SLC44A1: variants seen among roughly 807,000 people sequenced by gnomAD.
The protein encoded by SLC44A1 is choline transporter-like protein 1.
SLC44A1 carries 26 observed loss-of-function variants against 79.3 expected under a neutral mutation model. That is an observed-to-expected ratio of 0.33 (90% CI 0.24 to 0.46). The LOEUF (loss-of-function observed/expected upper bound fraction) is 0.46, where lower values mean the gene tolerates loss of function less well. Ranked by LOEUF, SLC44A1 falls within the 20% of genes least tolerant of loss-of-function variation. The pLI is 1.00. For synonymous variants in SLC44A1, 263 were observed against 286.2 expected, an observed-to-expected ratio of 0.92 and a Z score of 0.82; for missense variants, 688 against 798.1, an observed-to-expected ratio of 0.86 and a Z score of 1.66.
At chr9:105,278,590 A>G (rs561944577) in intron 1 of SLC44A1, among the ~76,000 whole-genome samples, 3 of 152,038 alleles carry the variant, frequency 2.0e-5, no homozygotes, top group Non-Finnish European at 4.4e-5. Flanking sequence ...TATGTTGGCC[A>G]GGCTGGTCTC....
intron 4 of SLC44A1, among the ~76,000 whole-genome samples, chr9:105,342,495 G>A (rs538807170): frequency 5.3e-5 from 8 of 152,258 alleles, no homozygotes; most frequent in Non-Finnish European, 1.0e-4. Flanking sequence ...ATTGTAGTGG[G>A]AGAGGAGAAT....
intron 4 of SLC44A1, among the ~76,000 whole-genome samples, chr9:105,344,756 G>C (rs1361738320): frequency 6.6e-6 from 1 of 152,100 alleles, no homozygotes; most frequent in East Asian, 1.9e-4. Context: ...TTCTCAAAGA[G>C]TTTGCATTAT....
intron 14 of SLC44A1, among the ~76,000 whole-genome samples, chr9:105,384,505 G>A (rs1050020366): frequency 2.0e-5 from 3 of 151,804 alleles, no homozygotes; most frequent in East Asian, 1.9e-4. Context: ...CTTTTCAATA[G>A]CAAGAATTCC....
At chr9:105,337,466 T>C (rs1588798206) in intron 4 of SLC44A1, among the ~76,000 whole-genome samples, 1 of 152,208 alleles carries the variant, frequency 6.6e-6, no homozygotes, top group Non-Finnish European at 1.5e-5. Flanking sequence ...GCTGCTATTA[T>C]CATAATTATT....
chr9:105,282,618 G>A (rs960892022), intron 1 of SLC44A1, among the ~76,000 whole-genome samples: 2 of 151,574 alleles, frequency 1.3e-5, no homozygotes, highest in African/African-American at 2.4e-5. Context: ...GTGCAATCTC[G>A]GCTCACTGCA....
At position 105,392,491 on chromosome 9, in the gene SLC44A1, G is replaced by A; in HGVS notation, c.*3435G>A. 1 of 977,392 alleles carries A rather than the reference G, an allele frequency of 1.0e-6. No homozygotes were observed. Among genetic ancestry groups the A allele is most frequent in the Non-Finnish European group, 1.2e-6 (1 of 828,970 alleles). 60.5% of individuals were successfully genotyped at this position (977,392 alleles called of 1,614,324 possible). A position where few individuals can be genotyped will look rare whatever the true frequency, so the allele number is the denominator to read the frequency against. ...TCCAATACCACTGATCTTGGTATCT[G>A]CCAAGGGCTTCCTTGCCTTCCCTGG... On this transcript the variant is annotated 3_prime_UTR_variant, in exon 16 of 16. Coordinates refer to ENST00000374720, the MANE Select transcript of SLC44A1 (RefSeq NM_080546.5).
At chr9:105,344,883 G>A (rs1035903392) in intron 4 of SLC44A1, among the ~76,000 whole-genome samples, 3 of 152,192 alleles carry the variant, frequency 2.0e-5, no homozygotes, top group Non-Finnish European at 2.9e-5. Flanking sequence ...CAGAAGAGAT[G>A]AAGTTTGAGT....
intron 1 of SLC44A1, among the ~76,000 whole-genome samples, chr9:105,279,869 T>C (rs1020779337): frequency 2.6e-5 from 4 of 152,214 alleles, no homozygotes; most frequent in African/African-American, 9.6e-5. Context: ...TTGGTAAGTA[T>C]ACAAAAATCA....
rs1181949061 is a variant in SLC44A1, at chr9:105,349,577, T to G, written c.500+1126T>G. The stretch of plus-strand genomic sequence containing the variant: ...AAGAGAGACTTACAAATTATGGCCT[T>G]AAACCAACAGCTACGGAGATTACAT... On this transcript the variant is annotated intron_variant, in intron 5 of 15. Coordinates refer to ENST00000374720, the MANE Select transcript of SLC44A1 (RefSeq NM_080546.5). Among the ~76,000 whole-genome samples, 4 of 152,192 alleles carry G rather than the reference T, an allele frequency of 2.6e-5. No individual in the cohort carries two copies. In the East Asian group the frequency reaches 7.7e-4, roughly 29 times the overall value.
At chr9:105,273,244 G>A (rs1445126897) in intron 1 of SLC44A1, among the ~76,000 whole-genome samples, 2 of 152,050 alleles carry the variant, frequency 1.3e-5, no homozygotes, top group Non-Finnish European at 2.9e-5. Flanking sequence ...CACCTGCTTC[G>A]GCCTCCCAAA....
intron 15 of SLC44A1, among the ~76,000 whole-genome samples, chr9:105,437,219 T>A (rs1156433884): frequency 1.3e-5 from 2 of 152,182 alleles, no homozygotes; most frequent in Non-Finnish European, 2.9e-5. Flanking sequence ...CTGTTAAACA[T>A]GTATTTTACC....
rs1828822913 is a variant in SLC44A1 at position 105,394,054 on chromosome 9, C to T, written c.*4998C>T. The T allele has an allele frequency of 2.0e-6, 2 of 985,246 alleles. No homozygotes were observed. The highest frequency in any genetic ancestry group is 2.4e-6 in the Non-Finnish European group (2 of 829,804). The allele number at this position is 985,246 out of a possible 1,614,324, so 61.0% of individuals were successfully genotyped here. A position where few individuals can be genotyped will look rare whatever the true frequency, so the allele number is the denominator to read the frequency against. ...TTAAGAAAGCTATGGACTATCTTTC[C>T]TTCAAATGCACATCACATGTCTGTG... On this transcript the variant is annotated 3_prime_UTR_variant, in exon 16 of 16. Coordinates refer to ENST00000374720, the MANE Select transcript of SLC44A1 (RefSeq NM_080546.5).
At chr9:105,271,643 T>A (rs1016570530) in intron 1 of SLC44A1, among the ~76,000 whole-genome samples, 5 of 152,082 alleles carry the variant, frequency 3.3e-5, no homozygotes, top group African/African-American at 1.2e-4. Flanking sequence ...AGACAGAGTC[T>A]CACTCTGTCA....
Position 105,397,028 on chromosome 9 carries a change from C to T in SLC44A1, c.*7972C>T. 1.0e-6 allele frequency: 1 copy of T among 985,090 alleles called. No homozygotes were observed. Among genetic ancestry groups the T allele is most frequent in the Non-Finnish European group, 1.2e-6 (1 of 829,672 alleles). 61.0% of individuals were successfully genotyped at this position (985,090 alleles called of 1,614,324 possible). A position where few individuals can be genotyped will look rare whatever the true frequency, so the allele number is the denominator to read the frequency against. On this transcript the variant is annotated 3_prime_UTR_variant, in exon 16 of 16. Transcript: ENST00000374720. The stretch of plus-strand genomic sequence containing the variant: ...CTTTGCAGATGGAGCATTATGCTCT[C>T]AGAGGACTTTAAAAATATGTATATT...
Position 105,332,044 on chromosome 9 carries a change from T to C in SLC44A1, c.270-3519T>C, listed in dbSNP as rs535772388. 4.6e-5 allele frequency among the ~76,000 whole-genome samples: 7 copies of C among 152,174 alleles called. No homozygotes were observed. In the South Asian group the frequency reaches 1.0e-3, roughly 23 times the overall value. On this transcript the variant is annotated intron_variant, in intron 3 of 15. Transcript: ENST00000374720. ...CAAGGTCTGTATGTTATTTTTAACT[T>C]CATGTGTGTGCATTTGAATATGTGA...
At chr9:105,341,335 C>CAAAAAAA (rs529318721) in intron 4 of SLC44A1, among the ~76,000 whole-genome samples, 1 of 65,230 alleles carries the variant, frequency 1.5e-5, no homozygotes, top group African/African-American at 4.5e-5. Context: ...AACTTCGTCT[C>CAAAAAAA]AAAAAAAAAA....
intron 13 of SLC44A1, among the ~76,000 whole-genome samples, chr9:105,375,524 A>T (rs1828252010): frequency 6.6e-6 from 1 of 152,222 alleles, no homozygotes. Flanking sequence ...AAATTGGAAT[A>T]TAATAGTGCC....
intron 4 of SLC44A1, among the ~76,000 whole-genome samples, chr9:105,347,825 T>C (rs1827286899): frequency 6.6e-6 from 1 of 152,052 alleles, no homozygotes; most frequent in Non-Finnish European, 1.5e-5. Context: ...ATTATCTGAA[T>C]TTACATGTGT....
chr9:105,332,801 A>C (rs13299711), intron 3 of SLC44A1, among the ~76,000 whole-genome samples: 14,689 of 152,154 alleles, frequency 0.097, 1,760 homozygotes, highest in African/African-American at 0.29. Context: ...TTAGTTCCTT[A>C]CTATGAAATG....
Sources: gnomAD v4.1 joint callset for allele counts (sites outside exome capture counted in the v4.1 genomes callset) on GRCh38, gnomAD v4.1.1 for gene constraint, MANE v1.5 for transcripts, NCBI Gene and HGNC (gene_info 2026-07-23, HGNC 2026-07-21) for gene names.